The following MAP3K20 variants were observed in gnomAD, a reference collection of about 807,000 sequenced individuals.
The protein encoded by MAP3K20 is HCCS-4.
Under a neutral mutation model 85.7 loss-of-function variants are expected in MAP3K20, and 40 were observed. The observed-to-expected ratio is 0.47, with a 90% confidence interval of 0.36 to 0.61. The LOEUF (loss-of-function observed/expected upper bound fraction) is 0.61, where lower values mean the gene tolerates loss of function less well. MAP3K20 is among the 20% of genes least tolerant of loss of function. MAP3K20 has a pLI of 0.00. For missense variants in MAP3K20, 817 were observed against 961.7 expected (o/e 0.85, Z 1.99); for synonymous variants, 325 against 327.7 (o/e 0.99, Z 0.09).
At chr2:173,097,712 T>C (rs184026620) in intron 2 of MAP3K20, among the ~76,000 whole-genome samples, 4 of 152,324 alleles carry the variant, frequency 2.6e-5, no homozygotes, top group Non-Finnish European at 4.4e-5. Context: ...TTCCACGTTA[T>C]AAATATTTAT....
intron 1 of MAP3K20, 80 bp from the exon 2 acceptor site, chr2:173,090,917 GA>G (rs1687277393): frequency 2.8e-6 from 4 of 1,446,734 alleles, no homozygotes; most frequent in Non-Finnish European, 3.6e-6. Context: ...ACTCGTTCAT[GA>G]TATATTATCT....
chr2:173,187,682 TAGA>T, intron 5 of MAP3K20, 59 bp downstream of exon 5: 1 of 1,430,430 alleles, frequency 7.0e-7, no homozygotes, highest in Non-Finnish European at 9.7e-7. Context: ...CACTTGCATG[TAGA>T]AATGAGCATC....
At chr2:173,259,435 TG>T (rs2106355011) in intron 17 of MAP3K20, among the ~76,000 whole-genome samples, 1 of 152,364 alleles carries the variant, frequency 6.6e-6, no homozygotes, top group African/African-American at 2.4e-5. Flanking sequence ...CCAATCATAC[TG>T]GAACAATACA....
intron 3 of MAP3K20, among the ~76,000 whole-genome samples, chr2:173,173,256 T>A (rs1442844319): frequency 1.3e-5 from 2 of 149,708 alleles, no homozygotes; most frequent in East Asian, 3.9e-4. Context: ...AAGGAAGGAG[T>A]TGCTGGATAC....
At chr2:173,204,188 G>GAAT (rs1264023356) in intron 9 of MAP3K20, among the ~76,000 whole-genome samples, 1 of 152,144 alleles carries the variant, frequency 6.6e-6, no homozygotes, top group Non-Finnish European at 1.5e-5. Flanking sequence ...ACAGTACTTA[G>GAAT]AATATGCCAG....
At chr2:173,080,752 T>C (rs953023201) in intron 1 of MAP3K20, among the ~76,000 whole-genome samples, 2 of 152,208 alleles carry the variant, frequency 1.3e-5, no homozygotes, top group East Asian at 1.9e-4. Context: ...GTTATACTTA[T>C]GTAGTGGGTA....
intron 16 of MAP3K20, among the ~76,000 whole-genome samples, chr2:173,248,515 A>G (rs912872686): frequency 1.3e-5 from 2 of 152,270 alleles, no homozygotes; most frequent in African/African-American, 4.8e-5. Flanking sequence ...CTAATTACAG[A>G]GTGTGGCAAT....
chr2:173,205,528 A>G (rs2106296068), intron 9 of MAP3K20, among the ~76,000 whole-genome samples: 1 of 152,308 alleles, frequency 6.6e-6, no homozygotes, highest in East Asian at 1.9e-4. Flanking sequence ...TAATGCAGCC[A>G]ACAAGGCAGC....
rs373131074 is a variant in MAP3K20, at chr2:173,263,911, C to T, written c.1702+16C>T. ...TCCGACTCAAGTAAGTTAGTGTTCCCGTATTAGATGTGTGCTAGATTCCAG... is the reference window on the plus strand; with the variant it reads ...TCCGACTCAAGTAAGTTAGTGTTCCTGTATTAGATGTGTGCTAGATTCCAG... On this transcript the variant is annotated intron_variant, in intron 19 of 19. Coordinates refer to ENST00000375213, the MANE Select transcript of MAP3K20 (RefSeq NM_016653.3). The T allele has an allele frequency of 3.5e-5, 56 of 1,603,718 alleles. No individual in the cohort carries two copies. Among genetic ancestry groups the T allele is most frequent in the Admixed American group, 5.3e-5 (3 of 56,628 alleles).
chr2:173,226,695 T>C (rs557077200), intron 11 of MAP3K20: 30 of 985,748 alleles, frequency 3.0e-5, no homozygotes, highest in Non-Finnish European at 3.5e-5. Flanking sequence ...TCCAAGCACC[T>C]ACATTAATTA....
chr2:173,091,978 C>T (rs528382782), intron 2 of MAP3K20, among the ~76,000 whole-genome samples: 11 of 152,366 alleles, frequency 7.2e-5, no homozygotes, highest in South Asian at 2.1e-4. Flanking sequence ...TTTCTATTTA[C>T]GCCCTGTTTT....
chr2:173,143,426 G>A (rs574666913), intron 2 of MAP3K20, among the ~76,000 whole-genome samples: 1 of 152,262 alleles, frequency 6.6e-6, no homozygotes. Flanking sequence ...CTAAGCAACT[G>A]AGACATTATA....
intron 1 of MAP3K20, among the ~76,000 whole-genome samples, chr2:173,079,653 A>T (rs904057878): frequency 3.0e-5 from 4 of 134,630 alleles, no homozygotes; most frequent in Admixed American, 7.1e-5. Context: ...TTTTAAATTT[A>T]AAAAAAAATT....
intron 7 of MAP3K20, among the ~76,000 whole-genome samples, chr2:173,196,221 C>T (rs1478434008): frequency 6.6e-6 from 1 of 152,170 alleles, no homozygotes; most frequent in African/African-American, 2.4e-5. Flanking sequence ...CATTAATTTA[C>T]TTGCCCTTCG....
intron 3 of MAP3K20, among the ~76,000 whole-genome samples, chr2:173,177,642 C>A (rs1351017355): frequency 1.3e-5 from 2 of 152,070 alleles, no homozygotes; most frequent in Non-Finnish European, 2.9e-5. Flanking sequence ...GTTGGCCAGG[C>A]TGGTTTGGAA....
At chr2:173,101,811 G>A (rs2106161205) in intron 2 of MAP3K20, among the ~76,000 whole-genome samples, 1 of 152,278 alleles carries the variant, frequency 6.6e-6, no homozygotes, top group Middle Eastern at 3.4e-3. Flanking sequence ...TAGTGAAGAT[G>A]GGAAGTCACT....
In MAP3K20 at chr2:173,266,707, A is replaced by AAG; in HGVS notation, c.2367_2368dup (p.Ala790GlufsTer43). ...AGGCCATCTCCCGCCAAAACCAATA[A>AAG]AGAGAGAGCCAGAGGGGACCACCGT... is the stretch of plus-strand genomic sequence containing the variant. On this transcript the variant is annotated frameshift_variant, in exon 20 of 20. Transcript: ENST00000375213. LOFTEE classifies it high-confidence loss of function. The AAG allele has an allele frequency of 6.3e-7, 1 of 1,588,456 alleles. No homozygotes were observed. The highest frequency in any genetic ancestry group is 1.1e-5 in the South Asian group (1 of 87,818).
rs17692029 is a variant in MAP3K20 at position 173,263,542 on chromosome 2, A to T, written c.1552-203A>T. ...CCCACTAAGAAATAAAGTGGTTAAA[A>T]TTTTTCTTTTCATTGAATTAGCATA... On this transcript the variant is annotated intron_variant, in intron 18 of 19. Transcript: ENST00000375213. 0.095 allele frequency among the ~76,000 whole-genome samples: 14,473 copies of T among 152,212 alleles called. 731 individuals carry two copies. Among genetic ancestry groups the T allele is most frequent in the South Asian group, 0.17 (832 of 4,822 alleles).
intron 2 of MAP3K20, among the ~76,000 whole-genome samples, chr2:173,147,967 T>C (rs1241151632): frequency 6.6e-6 from 1 of 152,256 alleles, no homozygotes; most frequent in African/African-American, 2.4e-5. Flanking sequence ...AAAAGTTGTC[T>C]GATTTTGTTT....
Sources: allele counts gnomAD v4.1 joint callset (sites outside exome capture counted in the v4.1 genomes callset), GRCh38; gene constraint gnomAD v4.1.1; transcripts MANE v1.5; gene names NCBI Gene and HGNC (gene_info 2026-07-23, HGNC 2026-07-21).